Variants in COL11A1 observed in about 807,000 individuals in gnomAD.
COL11A1 encodes the protein collagen alpha-1(XI) chain.
COL11A1 carries 74 observed loss-of-function variants against 265.2 expected under a neutral mutation model. The observed-to-expected ratio is 0.28, with a 90% confidence interval of 0.23 to 0.34. The LOEUF (loss-of-function observed/expected upper bound fraction) is 0.34. COL11A1 is among the 10% of genes least tolerant of loss of function. COL11A1 has a pLI of 1.00. For synonymous variants in COL11A1, 816 were observed against 727.6 expected, an observed-to-expected ratio of 1.12 and a Z score of -1.96; for missense variants, 2,165 against 2,263.6, an observed-to-expected ratio of 0.96 and a Z score of 0.88.
intron 4 of COL11A1, among the ~76,000 whole-genome samples, chr1:103,067,309 C>T (rs1411942428): frequency 6.6e-6 from 1 of 151,772 alleles, no homozygotes; most frequent in Non-Finnish European, 1.5e-5. Flanking sequence ...CAGAAGACAA[C>T]AGAATTAGAC....
chr1:102,963,582 A>G (rs554963769), intron 38 of COL11A1, among the ~76,000 whole-genome samples: 7 of 152,346 alleles, frequency 4.6e-5, no homozygotes, highest in African/African-American at 1.7e-4. Flanking sequence ...GTTGTTAAAC[A>G]GGAGAATGTG....
At chr1:103,078,613 A>T (rs373835698) in intron 3 of COL11A1, 45 bp downstream of exon 3, 78 of 1,563,764 alleles carry the variant, frequency 5.0e-5, no homozygotes, top group Non-Finnish European at 6.8e-5. Context: ...GAATAAAAAA[A>T]ATGATTTTGG....
chr1:102,911,876 T>C (rs1242323709), intron 54 of COL11A1, among the ~76,000 whole-genome samples: 1 of 152,168 alleles, frequency 6.6e-6, no homozygotes, highest in African/African-American at 2.4e-5. Context: ...CACCAAAGTC[T>C]TTTATAATAA....
At position 103,006,526 on chromosome 1, in the gene COL11A1, A is replaced by ATT. The variant is rs4013849; in HGVS notation, c.1684-213_1684-212dup. The stretch of plus-strand genomic sequence containing the variant: ...ATACCTATTTTTTCTAAATGGCTCC[A>ATT]TTTTTTTTTTTTTTTTTTTTTTTTT... On this transcript the variant is annotated intron_variant, in intron 15 of 66. Transcript: ENST00000370096. 3.1e-3 allele frequency among the ~76,000 whole-genome samples: 261 copies of ATT among 82,858 alleles called. 52 individuals are homozygous for ATT. The highest frequency in any genetic ancestry group is 0.01 in the East Asian group (22 of 2,190). The allele number at this position is 82,858 out of a possible 152,430, so 54.4% of individuals were successfully genotyped here. A position where few individuals can be genotyped will look rare whatever the true frequency, so the allele number is the denominator to read the frequency against.
intron 4 of COL11A1, among the ~76,000 whole-genome samples, chr1:103,047,145 A>G (rs1025837209): frequency 4.6e-5 from 7 of 152,140 alleles, no homozygotes; most frequent in African/African-American, 1.7e-4. Flanking sequence ...TCTGTGTAGA[A>G]AGTCATTGGT....
intron 62 of COL11A1, 113 bp from the exon 63 acceptor site, chr1:102,887,169 C>A: frequency 1.5e-6 from 2 of 1,291,328 alleles, no homozygotes; most frequent in Non-Finnish European, 2.2e-6. Flanking sequence ...TTTAGCTTTT[C>A]ATTAGCTACA....
chr1:102,961,414 C>T (rs1660895000), intron 41 of COL11A1, among the ~76,000 whole-genome samples: 1 of 151,940 alleles, frequency 6.6e-6, no homozygotes, highest in Non-Finnish European at 1.5e-5. Context: ...AAATTCAAGT[C>T]TCATCAAGTA....
chr1:102,929,098 A>C (rs562512582), intron 46 of COL11A1, among the ~76,000 whole-genome samples: 7,391 of 145,586 alleles, frequency 0.051, 260 homozygotes, highest in Non-Finnish European at 0.077. Context: ...TAGTTTAATT[A>C]GATCCCATTT....
At chr1:102,954,862 A>T (rs2101507545) in intron 41 of COL11A1, among the ~76,000 whole-genome samples, 1 of 152,192 alleles carries the variant, frequency 6.6e-6, no homozygotes, top group Non-Finnish European at 1.5e-5. Flanking sequence ...AAAAAAAAAA[A>T]AAAGAAGTTG....
At position 102,920,371 on chromosome 1, in the gene COL11A1, T is replaced by C. The variant is rs1232841947; in HGVS notation, c.3709-7A>G. On this transcript the variant is annotated splice_polypyrimidine_tract_variant and splice_region_variant and intron_variant, in intron 48 of 66. Transcript: ENST00000370096. ...CTGGGGGTCCTTGTGGTCCCTGCAG[T>C]GTAGAAAAAGGAATGTAATTATCCA... The C allele has an allele frequency of 1.9e-6, 3 of 1,611,616 alleles. No homozygotes were observed. The African/African-American group carries it at 4.0e-5, about 22-fold the overall frequency.
chr1:103,099,473 A>T (rs1016868855), intron 1 of COL11A1, among the ~76,000 whole-genome samples: 6 of 149,628 alleles, frequency 4.0e-5, no homozygotes, highest in Non-Finnish European at 7.4e-5. Context: ...ATGGATATAT[A>T]TATATATATT....
intron 3 of COL11A1, among the ~76,000 whole-genome samples, chr1:103,077,042 C>T (rs1465725123): frequency 1.3e-5 from 2 of 151,720 alleles, no homozygotes; most frequent in Non-Finnish European, 2.9e-5. Context: ...CTACCTAGCA[C>T]ACAGTAAGCA....
intron 41 of COL11A1, among the ~76,000 whole-genome samples, chr1:102,960,745 G>GAAA (rs71094585): frequency 6.7e-6 from 1 of 149,742 alleles, no homozygotes; most frequent in African/African-American, 2.5e-5. Context: ...GGCATGAAGG[G>GAAA]AAAAAAAAAG....
At chr1:102,890,804 G>A (rs1651675254) in intron 57 of COL11A1, among the ~76,000 whole-genome samples, 1 of 151,964 alleles carries the variant, frequency 6.6e-6, no homozygotes, top group Non-Finnish European at 1.5e-5. Context: ...ACTAGTTTTG[G>A]AAGGGATTTC....
At chr1:103,076,973 T>C (rs927934186) in intron 3 of COL11A1, among the ~76,000 whole-genome samples, 6 of 152,124 alleles carry the variant, frequency 3.9e-5, no homozygotes, top group African/African-American at 1.4e-4. Flanking sequence ...TAAATTATTA[T>C]GGCAGTTGAG....
chr1:102,988,653 C>T (rs919803270), intron 29 of COL11A1, among the ~76,000 whole-genome samples: 4 of 152,156 alleles, frequency 2.6e-5, no homozygotes, highest in Admixed American at 2.0e-4. Flanking sequence ...TAATAAACAA[C>T]TGAATATAGT....
At chr1:102,975,777 A>G (rs1033698060) in intron 35 of COL11A1, among the ~76,000 whole-genome samples, 6 of 152,142 alleles carry the variant, frequency 3.9e-5, no homozygotes, top group African/African-American at 1.4e-4. Context: ...TTTCTAATCA[A>G]AAATAGAGTT....
At chr1:103,082,716 G>A in intron 2 of COL11A1, 89 bp downstream of exon 2, 2 of 1,138,662 alleles carry the variant, frequency 1.8e-6, no homozygotes, top group South Asian at 2.7e-5. Flanking sequence ...ATACTAATTA[G>A]TAAAGAAATA....
intron 54 of COL11A1, among the ~76,000 whole-genome samples, chr1:102,909,723 C>T (rs1654420435): frequency 6.6e-6 from 1 of 151,974 alleles, no homozygotes; most frequent in Non-Finnish European, 1.5e-5. Flanking sequence ...CTCAAAACTA[C>T]TTCGGTGTTG....
Sources: allele counts gnomAD v4.1 joint callset (sites outside exome capture counted in the v4.1 genomes callset), GRCh38; gene constraint gnomAD v4.1.1; transcripts MANE v1.5; gene names NCBI Gene and HGNC (gene_info 2026-07-23, HGNC 2026-07-21).